FAM227B: variants seen among roughly 807,000 people sequenced by gnomAD.
FAM227B encodes the protein protein FAM227B.
A neutral mutation model predicts 73.8 loss-of-function variants in FAM227B; 88 were observed. That is an observed-to-expected ratio of 1.19 (90% confidence interval 1.00 to 1.42). The LOEUF is 1.42. Among genes scored for constraint, FAM227B ranks in the 40% most tolerant of loss-of-function variants. The pLI, the probability that FAM227B is intolerant of heterozygous loss-of-function variation, is 0.00. For synonymous variants in FAM227B, 210 were observed against 190.5 expected (o/e 1.10, Z -0.84); for missense variants, 632 against 590.9 (o/e 1.07, Z -0.72).
intron 11 of FAM227B, among the ~76,000 whole-genome samples, chr15:49,454,295 CTT>C (rs1174528608): frequency 1.3e-5 from 2 of 152,142 alleles, no homozygotes; most frequent in African/African-American, 4.8e-5. Flanking sequence ...TTAGGTCTCT[CTT>C]GTGCATTTTC....
Position 49,328,142 on chromosome 15 carries a change from GT to G in FAM227B, c.*425del. The G allele has an allele frequency of 6.2e-7, 1 of 1,613,834 alleles. No individual in the cohort carries two copies. The highest frequency in any genetic ancestry group is 8.5e-7 in the Non-Finnish European group (1 of 1,179,896). On this transcript the variant is annotated 3_prime_UTR_variant, in exon 16 of 16. Transcript: ENST00000299338. ...TACCAAACCTGGAGGTGGGGCTTTG[GT>G]TTTGCTTGAGGCCTGAAAAAATGTA...
intron 11 of FAM227B, among the ~76,000 whole-genome samples, chr15:49,426,302 T>G (rs1275741184): frequency 1.3e-5 from 2 of 151,896 alleles, no homozygotes; most frequent in Non-Finnish European, 2.9e-5. Flanking sequence ...AAATACCCAT[T>G]GTATAATTAT....
At chr15:49,379,040 C>T (rs2046350398) in intron 11 of FAM227B, among the ~76,000 whole-genome samples, 1 of 147,676 alleles carries the variant, frequency 6.8e-6, no homozygotes, top group Non-Finnish European at 1.5e-5. Context: ...TTTTCAGCAT[C>T]AATTGAAAGG....
intron 13 of FAM227B, among the ~76,000 whole-genome samples, chr15:49,336,744 C>CAGGTTTGATACATGGGT (rs2039784073): frequency 1.3e-5 from 2 of 152,048 alleles, no homozygotes; most frequent in Non-Finnish European, 2.9e-5. Context: ...GTTACATGGG[C>CAGGTTTGATACATGGGT]AGGTTTGATA....
chr15:49,586,877 C>A (rs561626428), intron 5 of FAM227B, among the ~76,000 whole-genome samples: 1 of 152,196 alleles, frequency 6.6e-6, no homozygotes, highest in East Asian at 1.9e-4. Context: ...CAAAAAATAA[C>A]AGAAGCTGAC....
Position 49,338,812 on chromosome 15 carries a change from G to C in FAM227B, c.1272-3316C>G, listed in dbSNP as rs1681514965. Among the ~76,000 whole-genome samples, 3 of 152,190 alleles carry C rather than the reference G, an allele frequency of 2.0e-5. No individual in the cohort carries two copies. In the South Asian group the frequency reaches 6.2e-4, roughly 32 times the overall value. On this transcript the variant is annotated intron_variant, in intron 13 of 15. Coordinates refer to ENST00000299338, the MANE Select transcript of FAM227B (RefSeq NM_152647.3). ...TCACATAGTCCCATATTTGTTGGAG[G>C]CTTTGTTCGTTTCTTTTCATTCTTT...
chr15:49,395,678 T>C (rs554471187), intron 11 of FAM227B, among the ~76,000 whole-genome samples: 1 of 152,236 alleles, frequency 6.6e-6, no homozygotes, highest in Non-Finnish European at 1.5e-5. Flanking sequence ...TTTGAAAGGC[T>C]GAGGCAGGGC....
Position 49,328,362 on chromosome 15 carries a change from A to G in FAM227B, c.*206T>C. ...TTCCATCTTAAAATATGGTTTTACT[A>G]TTAAGAGCCAAGATCATGCTTGGAC... On this transcript the variant is annotated 3_prime_UTR_variant, in exon 16 of 16. Transcript: ENST00000299338. 5.6e-6 allele frequency: 8 copies of G among 1,429,284 alleles called. No homozygotes were observed. Among genetic ancestry groups the G allele is most frequent in the Non-Finnish European group, 7.3e-6 (8 of 1,095,232 alleles). The allele number at this position is 1,429,284 out of a possible 1,614,324, so 88.5% of individuals were successfully genotyped here.
At chr15:49,379,289 G>A (rs141225243) in intron 11 of FAM227B, among the ~76,000 whole-genome samples, 3,428 of 152,160 alleles carry the variant, frequency 0.023, 60 homozygotes, top group African/African-American at 0.041. Context: ...TCTTTATCTG[G>A]TTTTGGTATC....
Position 49,328,188 on chromosome 15 carries a change from C to CTT in FAM227B, c.*378_*379dup. On this transcript the variant is annotated 3_prime_UTR_variant, in exon 16 of 16. Coordinates refer to ENST00000299338, the MANE Select transcript of FAM227B (RefSeq NM_152647.3). The stretch of plus-strand genomic sequence containing the variant: ...AATGTAAAAAGTCTGAGAGAAACTA[C>CTT]TTAGGGCACTTAGGAATTGGCAGGA... 6.3e-7 allele frequency: 1 copy of CTT among 1,582,814 alleles called. No homozygotes were observed. The highest frequency in any genetic ancestry group is 8.6e-7 in the Non-Finnish European group (1 of 1,162,536).
chr15:49,518,163 A>G (rs1047451516), intron 10 of FAM227B, among the ~76,000 whole-genome samples: 10 of 152,204 alleles, frequency 6.6e-5, no homozygotes, highest in Non-Finnish European at 1.5e-4. Flanking sequence ...AGTCATACAT[A>G]TTCTGTGACA....
At chr15:49,601,969 G>C (rs921905772) in intron 3 of FAM227B, among the ~76,000 whole-genome samples, 1 of 152,164 alleles carries the variant, frequency 6.6e-6, no homozygotes, top group Admixed American at 6.5e-5. Context: ...GTGGATAACA[G>C]GATCTCCCAC....
chr15:49,460,536 T>G (rs542419196), intron 11 of FAM227B, among the ~76,000 whole-genome samples: 4 of 152,200 alleles, frequency 2.6e-5, no homozygotes, highest in African/African-American at 9.7e-5. Flanking sequence ...TATTTTGACA[T>G]TTCTTCACAG....
intron 11 of FAM227B, among the ~76,000 whole-genome samples, chr15:49,429,037 C>A (rs1465098351): frequency 1.3e-5 from 2 of 152,026 alleles, no homozygotes; most frequent in Non-Finnish European, 2.9e-5. Flanking sequence ...CTAGCAAATA[C>A]ACATATTGCC....
chr15:49,536,404 A>G (rs1267675446), intron 10 of FAM227B, among the ~76,000 whole-genome samples: 3 of 151,936 alleles, frequency 2.0e-5, no homozygotes, highest in Non-Finnish European at 4.4e-5. Flanking sequence ...TAAAACACTG[A>G]AGAAAGAAAT....
intron 13 of FAM227B, among the ~76,000 whole-genome samples, chr15:49,338,766 T>C (rs2040208851): frequency 6.6e-6 from 1 of 152,216 alleles, no homozygotes; most frequent in South Asian, 2.1e-4. Context: ...GGTACACCAA[T>C]CAATTGTAGA....
intron 3 of FAM227B, among the ~76,000 whole-genome samples, chr15:49,608,177 C>T (rs1231567564): frequency 6.6e-6 from 1 of 152,078 alleles, no homozygotes; most frequent in Non-Finnish European, 1.5e-5. Context: ...TTTTTGTTCC[C>T]TAAGGAGTTA....
chr15:49,336,116 T>C (rs1273027375), intron 13 of FAM227B, among the ~76,000 whole-genome samples: 3 of 152,244 alleles, frequency 2.0e-5, no homozygotes, highest in African/African-American at 7.2e-5. Flanking sequence ...CTTTCATTTT[T>C]ACATATACTG....
At chr15:49,411,208 C>T (rs1244643687) in intron 11 of FAM227B, among the ~76,000 whole-genome samples, 2 of 151,520 alleles carry the variant, frequency 1.3e-5, no homozygotes, top group African/African-American at 4.8e-5. Flanking sequence ...AGGGTAATAG[C>T]ATAATATAAT....
Sources: allele counts gnomAD v4.1 joint callset (sites outside exome capture counted in the v4.1 genomes callset), GRCh38; gene constraint gnomAD v4.1.1; transcripts MANE v1.5; gene names NCBI Gene and HGNC (gene_info 2026-07-23, HGNC 2026-07-21).